DIAPH3: variants seen among roughly 807,000 people sequenced by gnomAD.
DIAPH3 encodes the protein protein diaphanous homolog 3.
DIAPH3 carries 117 observed loss-of-function variants against 144.3 expected under a neutral mutation model. The ratio of observed to expected loss-of-function variants is 0.81; its 90% confidence interval spans 0.70 to 0.95. The LOEUF (loss-of-function observed/expected upper bound fraction) is 0.95, where lower values mean the gene tolerates loss of function less well. Among genes scored for constraint, DIAPH3 ranks in the 40% least tolerant of loss-of-function variants. DIAPH3 has a pLI of 0.00. For missense variants in DIAPH3, 1,421 were observed against 1,412.7 expected, an observed-to-expected ratio of 1.01 and a Z score of -0.09; for synonymous variants, 519 against 488.9, an observed-to-expected ratio of 1.06 and a Z score of -0.81.
At chr13:60,163,556 C>T in intron 1 of DIAPH3, 31 bp downstream of exon 1, 1 of 1,552,356 alleles carries the variant, frequency 6.4e-7, no homozygotes. Flanking sequence ...GGGGCGGGAG[C>T]GGCCCCACCC....
intron 4 of DIAPH3, 82 bp from the exon 5 acceptor site, chr13:60,042,902 A>G: frequency 6.8e-7 from 1 of 1,476,094 alleles, no homozygotes; most frequent in Non-Finnish European, 9.4e-7. Context: ...TCTCCCTAAC[A>G]GCAGCACATA....
intron 3 of DIAPH3, among the ~76,000 whole-genome samples, chr13:60,100,541 C>T (rs986046812): frequency 2.0e-5 from 3 of 152,012 alleles, no homozygotes; most frequent in African/African-American, 7.3e-5. Context: ...TTAGCAATAT[C>T]GTCTCAGTAT....
At chr13:60,118,882 C>T (rs1272288498) in intron 2 of DIAPH3, among the ~76,000 whole-genome samples, 6 of 152,216 alleles carry the variant, frequency 3.9e-5, no homozygotes, top group African/African-American at 7.2e-5. Flanking sequence ...TAAAGTAGCA[C>T]GTGTACCCAC....
chr13:59,701,167 T>C (rs990193295), intron 27 of DIAPH3, among the ~76,000 whole-genome samples: 1 of 152,242 alleles, frequency 6.6e-6, no homozygotes, highest in Non-Finnish European at 1.5e-5. Context: ...TAATTTTAGT[T>C]GCGTGCATTC....
intron 27 of DIAPH3, among the ~76,000 whole-genome samples, chr13:59,769,181 G>T (rs2037999050): frequency 6.6e-6 from 1 of 152,134 alleles, no homozygotes; most frequent in South Asian, 2.1e-4. Context: ...AGTTCACAGA[G>T]TGTACAGTGG....
At chr13:59,753,972 T>C (rs1025710256) in intron 27 of DIAPH3, among the ~76,000 whole-genome samples, 1 of 152,118 alleles carries the variant, frequency 6.6e-6, no homozygotes, top group African/African-American at 2.4e-5. Flanking sequence ...AACCCTCATC[T>C]AGGCCATCTC....
intron 27 of DIAPH3, among the ~76,000 whole-genome samples, chr13:59,680,461 A>G (rs561132492): frequency 9.6e-4 from 146 of 152,292 alleles, no homozygotes; most frequent in African/African-American, 3.4e-3. Flanking sequence ...TCCTTGAGGT[A>G]GTTAGTACCC....
At chr13:59,877,520 C>G (rs143719982) in intron 21 of DIAPH3, among the ~76,000 whole-genome samples, 80 of 152,250 alleles carry the variant, frequency 5.3e-4, no homozygotes, top group Admixed American at 4.1e-3. Flanking sequence ...GCGAGTGTGA[C>G]TGAGGAACTA....
At position 59,819,345 on chromosome 13, in the gene DIAPH3, T is replaced by C. The variant is rs147214473; in HGVS notation, c.3028-8422A>G. Reference sequence around the variant, plus strand: ...TTGTTCAGGTTTCAACTTCATTCTTTCTCTTTAACCACTTTTGCCTTGGAG... The same window carrying C: ...TTGTTCAGGTTTCAACTTCATTCTTCCTCTTTAACCACTTTTGCCTTGGAG... On this transcript the variant is annotated intron_variant, in intron 24 of 27. Coordinates refer to ENST00000400324, the MANE Select transcript of DIAPH3 (RefSeq NM_001042517.2). 3.7e-3 allele frequency among the ~76,000 whole-genome samples: 555 copies of C among 152,030 alleles called. 4 individuals are homozygous for C. Among genetic ancestry groups the C allele is most frequent in the African/African-American group, 0.013 (531 of 41,548 alleles).
At chr13:60,115,546 CA>C (rs2058681408) in intron 2 of DIAPH3, among the ~76,000 whole-genome samples, 1 of 152,094 alleles carries the variant, frequency 6.6e-6, no homozygotes, top group South Asian at 2.1e-4. Flanking sequence ...GTGTGCGGTA[CA>C]GTTAATTTTA....
chr13:59,796,390 G>GC (rs2039605930), intron 25 of DIAPH3, among the ~76,000 whole-genome samples: 1 of 152,166 alleles, frequency 6.6e-6, no homozygotes, highest in Non-Finnish European at 1.5e-5. Flanking sequence ...GCATGTTAAT[G>GC]AGCTCTGTTC....
chr13:60,028,671 CCACA>C (rs2054558653), intron 5 of DIAPH3, among the ~76,000 whole-genome samples: 1 of 152,174 alleles, frequency 6.6e-6, no homozygotes, highest in Non-Finnish European at 1.5e-5. Flanking sequence ...TATCTCCACT[CCACA>C]TATGTAAGCT....
chr13:59,718,385 T>C (rs1324641681), intron 27 of DIAPH3, among the ~76,000 whole-genome samples: 1 of 152,210 alleles, frequency 6.6e-6, no homozygotes, highest in Non-Finnish European at 1.5e-5. Context: ...GTTTAGCATT[T>C]GAGAATCCAT....
chr13:59,722,177 T>C (rs1341814318), intron 27 of DIAPH3, among the ~76,000 whole-genome samples: 2 of 152,222 alleles, frequency 1.3e-5, no homozygotes. Context: ...GTATACGTCC[T>C]CATAGAAGGA....
chr13:59,859,514 A>G (rs1035574762), intron 22 of DIAPH3, among the ~76,000 whole-genome samples: 1 of 152,198 alleles, frequency 6.6e-6, no homozygotes, highest in Non-Finnish European at 1.5e-5. Flanking sequence ...CCTGCTAAAC[A>G]ATAAATTCTA....
chr13:59,963,552 C>A (rs2049884107), intron 17 of DIAPH3, among the ~76,000 whole-genome samples: 2 of 151,052 alleles, frequency 1.3e-5, no homozygotes, highest in Non-Finnish European at 2.9e-5. Context: ...TATTCTCTTC[C>A]TGTGTTCCAA....
intron 1 of DIAPH3, among the ~76,000 whole-genome samples, chr13:60,137,302 T>C (rs1310438166): frequency 2.0e-5 from 3 of 152,198 alleles, no homozygotes; most frequent in Admixed American, 6.5e-5. Context: ...ATTTAAGCAA[T>C]GCATCAAAAC....
intron 24 of DIAPH3, among the ~76,000 whole-genome samples, chr13:59,825,903 G>T (rs1380309656): frequency 6.6e-6 from 1 of 152,002 alleles, no homozygotes; most frequent in Non-Finnish European, 1.5e-5. Flanking sequence ...ATGTAATCCA[G>T]CATATAAACA....
chr13:60,020,213 T>A (rs1026170486), intron 5 of DIAPH3, among the ~76,000 whole-genome samples: 27 of 152,192 alleles, frequency 1.8e-4, no homozygotes, highest in African/African-American at 5.5e-4. Context: ...TTAGAAATAA[T>A]ATTTAGGTCT....
Sources: allele counts gnomAD v4.1 joint callset (sites outside exome capture counted in the v4.1 genomes callset), GRCh38; gene constraint gnomAD v4.1.1; transcripts MANE v1.5; gene names NCBI Gene and HGNC (gene_info 2026-07-23, HGNC 2026-07-21).